The following PIDD1 variants were observed in gnomAD, a reference collection of about 807,000 sequenced individuals.
The protein encoded by PIDD1 is p53-induced death domain protein 1.
In PIDD1, 72 loss-of-function variants were observed where a neutral mutation model predicts 80.0. The observed-to-expected ratio is 0.90, with a 90% CI of 0.74 to 1.09. The LOEUF is 1.09. PIDD1 is among the 50% of genes least tolerant of loss of function. The pLI, the probability that PIDD1 is intolerant of heterozygous loss-of-function variation, is 0.00. For synonymous variants in PIDD1, 655 were observed against 543.5 expected, an observed-to-expected ratio of 1.21 and a Z score of -2.85; for missense variants, 1,329 against 1,228.3, an observed-to-expected ratio of 1.08 and a Z score of -1.23.
intron 4 of PIDD1, 26 bp from the exon 5 acceptor site, chr11:802,623 A>G (rs1421346711): frequency 1.9e-6 from 3 of 1,610,066 alleles, no homozygotes; most frequent in South Asian, 1.1e-5. Flanking sequence ...ACATGTGCTC[A>G]GGACAGTGAG....
In PIDD1 at chr11:800,305, TCTCCCCTCACCCA is replaced by T. The variant is rs2133758080; in HGVS notation, c.2160+15_2160+27del. ...CTCTGCCCAAGCGGCCTGGGGGGCC[TCTCCCCTCACCCA>T]CTCCCCTCGCCCACCTGGCCCCGCA... is the stretch of plus-strand genomic sequence containing the variant. On this transcript the variant is annotated intron_variant, in intron 13 of 15. Coordinates refer to ENST00000347755, the MANE Select transcript of PIDD1 (RefSeq NM_145886.4). The T allele has an allele frequency of 1.2e-6, 2 of 1,612,582 alleles. No individual in the cohort carries two copies. The highest frequency in any genetic ancestry group is 2.2e-5 in the East Asian group (1 of 44,878).
chr11:803,322 G>A lies in PIDD1; in HGVS notation c.561C>T (p.Pro187=). ...TVTHNRLQTL[P]PALGALSTLQ... is the part of the protein sequence containing the mutation. ...GGGTGGATAGGGCCCCCAGTGCTGG[G>A]GGCAGCGTCTGCAGGCGGTTGTGTG... The change falls in exon 3 of 16, where the codon CCC becomes CCT. Residue 187 remains proline (P), a synonymous_variant. Coordinates refer to ENST00000347755, the MANE Select transcript of PIDD1 (RefSeq NM_145886.4). The A allele has an allele frequency of 1.9e-6, 3 of 1,613,928 alleles. No individual in the cohort carries two copies. Among genetic ancestry groups the A allele is most frequent in the Non-Finnish European group, 2.5e-6 (3 of 1,179,970 alleles).
At position 799,403 on chromosome 11, in the gene PIDD1, CT is replaced by C. The variant is rs1865022335; in HGVS notation, c.2636del (p.Lys879SerfsTer65). On this transcript the variant is annotated frameshift_variant, in exon 16 of 16. Transcript: ENST00000347755. LOFTEE classifies it low-confidence loss of function (END_TRUNC). ...CCATGCGTCGGATGCTGTCCTGGTA[CT>C]TGCGGCGGCCGAGCTCCAAGACTGC... ...VRAVLELGRR[K>X]YQDSIRRMGL... is the part of the protein sequence containing the mutation. The C allele has an allele frequency of 1.2e-6, 2 of 1,611,778 alleles. No homozygotes were observed. Among genetic ancestry groups the C allele is most frequent in the South Asian group, 2.2e-5 (2 of 91,084 alleles).
At position 801,215 on chromosome 11, in the gene PIDD1, C is replaced by T. The variant is rs1023936734; in HGVS notation, c.1630+3G>A. 6 of 1,549,578 alleles carry T rather than the reference C, an allele frequency of 3.9e-6. No homozygotes were observed. Among genetic ancestry groups the T allele is most frequent in the Non-Finnish European group, 5.2e-6 (6 of 1,145,024 alleles). On this transcript the variant is annotated splice_donor_region_variant and intron_variant, in intron 9 of 15. Coordinates refer to ENST00000347755, the MANE Select transcript of PIDD1 (RefSeq NM_145886.4). ...CCAGGTATGCCCCATGGCTGCCTCT[C>T]ACCTGTGATGCCAGAGGGCAGAGGC...
At position 802,840 on chromosome 11, in the gene PIDD1, G is replaced by A; in HGVS notation, c.761C>T (p.Ser254Phe). The change falls in exon 4 of 16, where the codon TCT becomes TTT. Residue 254 changes from serine to phenylalanine, a missense_variant. Coordinates refer to ENST00000347755, the MANE Select transcript of PIDD1 (RefSeq NM_145886.4). ...LLVLHSNLLA[S>F]VPADLARLPL... Reference sequence around the variant, plus strand: ...AAGGCGGGCCAAGTCAGCTGGCACAGAGGCCAGGAGGTTGCTGTGCAGGAC... The same window carrying A: ...AAGGCGGGCCAAGTCAGCTGGCACAAAGGCCAGGAGGTTGCTGTGCAGGAC... The A allele has an allele frequency of 1.9e-6, 3 of 1,592,416 alleles. No individual in the cohort carries two copies. The highest frequency in any genetic ancestry group is 2.3e-5 in the East Asian group (1 of 44,020).
chr11:800,268 C>T (rs757004812), intron 13 of PIDD1, 24 bp from the exon 14 acceptor site: 184 of 1,611,356 alleles, frequency 1.1e-4, no homozygotes, highest in Middle Eastern at 1.6e-4. Flanking sequence ...GAATGGGGTT[C>T]GGAGTTCGGT....
At chr11:803,926 G>A in intron 2 of PIDD1, 168 bp downstream of exon 2, 1 of 774,250 alleles carries the variant, frequency 1.3e-6, no homozygotes, top group Non-Finnish European at 2.0e-6. Context: ...TGATCACCGA[G>A]GATGGCGATG....
chr11:804,181 T>A lies in PIDD1; in HGVS notation c.208A>T (p.Ser70Cys), dbSNP rs1163518276. The A allele has an allele frequency of 1.9e-6, 3 of 1,613,166 alleles. No homozygotes were observed. The highest frequency in any genetic ancestry group is 2.5e-6 in the Non-Finnish European group (3 of 1,179,898). Residue 70 changes from serine (S) to cysteine (C), a missense_variant, in exon 2 of 16, where the codon AGC becomes TGC. Transcript: ENST00000347755. ...AGCAGCTGAGGGTCCTCGTGAGTGCTCAGACGCAAGAATTCCACCTGCAGC... is the reference window on the plus strand; with the variant it reads ...AGCAGCTGAGGGTCCTCGTGAGTGCACAGACGCAAGAATTCCACCTGCAGC... ...QLLQVEFLRL[S>C]THEDPQLLEA...
Position 802,332 on chromosome 11 carries a change from C to G in PIDD1, c.1039G>C (p.Ala347Pro). 5 of 1,611,960 alleles carry G rather than the reference C, an allele frequency of 3.1e-6. No homozygotes were observed. The highest frequency in any genetic ancestry group is 4.2e-6 in the Non-Finnish European group (5 of 1,179,792). The change falls in exon 6 of 16, where the codon GCG becomes CCG. Residue 347 changes from alanine (A) to proline (P), a missense_variant. Physicochemically the swap from Ala to Pro is conservative, Grantham distance 27. Transcript: ENST00000347755. ...LACGVRLQFP[A>P]GATATPITIR... ...GTGATGGGGGTGGCGGTGGCTCCCG[C>G]TGGGAACTGCAGGCGGACGCCACAG...
chr11:802,999 G>T, intron 3 of PIDD1, 108 bp from the exon 4 acceptor site: 1 of 1,089,644 alleles, frequency 9.2e-7, no homozygotes, highest in Non-Finnish European at 1.3e-6. Flanking sequence ...TCCACAGCTG[G>T]GCTCAGAGAA....
At position 799,979 on chromosome 11, in the gene PIDD1, A is replaced by G; in HGVS notation, c.2310T>C (p.Ala770=). The change falls in exon 15 of 16, where the codon GCT becomes GCC. Residue 770 remains alanine, a synonymous_variant. Coordinates refer to ENST00000347755, the MANE Select transcript of PIDD1 (RefSeq NM_145886.4). ...LRGSEGPRRG[A]GLSLAPLNLG... is the part of the protein sequence containing the mutation. ...GATTCAAGGGTGCCAAGGAGAGGCCAGCCCCCCGCCGTGGCCCCTCGGACC... is the reference window on the plus strand; with the variant it reads ...GATTCAAGGGTGCCAAGGAGAGGCCGGCCCCCCGCCGTGGCCCCTCGGACC... The G allele has an allele frequency of 6.2e-7, 1 of 1,612,834 alleles. No individual in the cohort carries two copies. Among genetic ancestry groups the G allele is most frequent in the East Asian group, 2.2e-5 (1 of 44,882 alleles).
At chr11:804,052 G>C in intron 2 of PIDD1, 42 bp downstream of exon 2, 1 of 1,557,940 alleles carries the variant, frequency 6.4e-7, no homozygotes, top group Non-Finnish European at 8.7e-7. Flanking sequence ...AGGCAGGGCA[G>C]AGCGAGAGAT....
At position 800,660 on chromosome 11, in the gene PIDD1, C is replaced by T. The variant is rs535948800; in HGVS notation, c.1924G>A (p.Ala642Thr). The change falls in exon 12 of 16, where the codon GCC becomes ACC. Residue 642 changes from alanine to threonine, a missense_variant. Physicochemically the swap from Ala to Thr is moderately conservative, Grantham distance 58 (BLOSUM62 0). Coordinates refer to ENST00000347755, the MANE Select transcript of PIDD1 (RefSeq NM_145886.4). ...LQCLPRNKVD[A>T]TLRRLLERYR... ...CGCTCCAGCAGCCGCCGAAGGGTGG[C>T]GTCCACCTGCGGGGAAGCCCGTGCA... 1.3e-5 allele frequency: 21 copies of T among 1,582,572 alleles called. No homozygotes were observed. The highest frequency in any genetic ancestry group is 1.7e-4 in the Middle Eastern group (1 of 6,046).
At chr11:808,651 G>C (rs1434035260), upstream of PIDD1, among the ~76,000 whole-genome samples, 2 of 152,090 alleles carry the variant, frequency 1.3e-5, no homozygotes, top group Non-Finnish European at 2.9e-5. Context: ...AGCTGTGATC[G>C]AGCCACTGCA....
Position 800,168 on chromosome 11 carries a change from T to C in PIDD1, c.2237A>G (p.Asp746Gly), listed in dbSNP as rs1452707126. The C allele has an allele frequency of 1.2e-6, 2 of 1,610,814 alleles. No individual in the cohort carries two copies. The highest frequency in any genetic ancestry group is 2.7e-5 in the African/African-American group (2 of 75,014). ...AEAARQRKGA[D>G]ALWMATLPIK... ...GGGCAGAGTGGCCATCCACAGGGCG[T>C]CTGCGCCCTTCCTCTGCCGGGCAGC... is the stretch of plus-strand genomic sequence containing the variant. Residue 746 changes from aspartate to glycine, a missense_variant, in exon 14 of 16, where the codon GAC becomes GGC. By Grantham distance (94) the Asp-to-Gly change is moderately conservative. Coordinates refer to ENST00000347755, the MANE Select transcript of PIDD1 (RefSeq NM_145886.4).
Position 803,647 on chromosome 11 carries a change from C to A in PIDD1, c.296-60G>T, listed in dbSNP as rs533452110. The A allele has an allele frequency of 2.6e-6, 4 of 1,542,876 alleles. No homozygotes were observed. In the Admixed American group the frequency reaches 5.9e-5, roughly 23 times the overall value. On this transcript the variant is annotated intron_variant, in intron 2 of 15. Coordinates refer to ENST00000347755, the MANE Select transcript of PIDD1 (RefSeq NM_145886.4). ...CCAGGGTCCGAGGTCCCAGATCGAC[C>A]CTGCCAGCCAGAGAAACAGCTGCTC...
At chr11:804,488 G>A (rs1590154561) in intron 1 of PIDD1, 25 bp from the exon 2 acceptor site, 2 of 1,464,324 alleles carry the variant, frequency 1.4e-6, no homozygotes. Flanking sequence ...GGAGGAGTGA[G>A]CGGGAGCCGG....
chr11:804,034 T>C, intron 2 of PIDD1, 60 bp downstream of exon 2: 5 of 1,520,742 alleles, frequency 3.3e-6, no homozygotes, highest in Middle Eastern at 1.9e-4. Context: ...TTTGAGAACA[T>C]GCAGCAGAGG....
intron 11 of PIDD1, 40 bp from the exon 12 acceptor site, chr11:800,706 C>G (rs750941381): frequency 9.0e-6 from 14 of 1,553,556 alleles, no homozygotes; most frequent in Non-Finnish European, 1.2e-5. Context: ...CAAAGCTCTG[C>G]ACCCCACCCC....
Sources: allele counts gnomAD v4.1 joint callset (sites outside exome capture counted in the v4.1 genomes callset), GRCh38; gene constraint gnomAD v4.1.1; transcripts MANE v1.5; gene names NCBI Gene and HGNC (gene_info 2026-07-23, HGNC 2026-07-21).